TRAPPC3L: variants seen among roughly 807,000 people sequenced by gnomAD.
The protein encoded by TRAPPC3L is trafficking protein particle complex subunit 3-like protein.
TRAPPC3L carries 23 observed loss-of-function variants against 23.7 expected under a neutral mutation model. The observed-to-expected ratio is 0.97, with a 90% CI of 0.70 to 1.37. The LOEUF is 1.37. TRAPPC3L is among the 40% of genes most tolerant of loss of function. The pLI is 0.00. For synonymous variants in TRAPPC3L, 81 were observed against 77.9 expected (o/e 1.04, Z -0.21); for missense variants, 212 against 216.8 (o/e 0.98, Z 0.14).
intron 3 of TRAPPC3L, 146 bp downstream of exon 3, chr6:116,540,217 T>C (rs1773352647): frequency 4.0e-6 from 3 of 752,434 alleles, no homozygotes; most frequent in Admixed American, 2.9e-5. Flanking sequence ...TGTGCTGAAA[T>C]AAAATGCTTT....
intron 3 of TRAPPC3L, chr6:116,511,660 A>G (rs915345232): frequency 6.3e-7 from 1 of 1,587,950 alleles, no homozygotes; most frequent in African/African-American, 1.4e-5. Flanking sequence ...TCTGCCAATA[A>G]CAAAGGCACA....
chr6:116,498,231 A>C (rs1771861777), intron 4 of TRAPPC3L, among the ~76,000 whole-genome samples: 1 of 152,210 alleles, frequency 6.6e-6, no homozygotes, highest in Non-Finnish European at 1.5e-5. Flanking sequence ...TGAGAGTGGA[A>C]GACATTCTTA....
intron 3 of TRAPPC3L, among the ~76,000 whole-genome samples, chr6:116,506,342 A>T (rs983739247): frequency 6.6e-6 from 1 of 152,256 alleles, no homozygotes; most frequent in Admixed American, 6.5e-5. Flanking sequence ...TAGAATGGCG[A>T]TCATCAAAAA....
In TRAPPC3L at chr6:116,507,460, G is replaced by A. The variant is rs920296630; in HGVS notation, c.241-6794C>T. Among the ~76,000 whole-genome samples, 228 of 152,290 alleles carry A rather than the reference G, an allele frequency of 1.5e-3. 1 individual carries two copies. The highest frequency in any genetic ancestry group is 4.3e-4 in the Non-Finnish European group (29 of 68,034). ...GTATATAATTCATAAGTTTAAAATT[G>A]TGCTTCTGAGCAGTGTGATGAAACC... On this transcript the variant is annotated intron_variant, in intron 3 of 4. Coordinates refer to ENST00000368602, the MANE Select transcript of TRAPPC3L (RefSeq NM_001139444.3).
At chr6:116,539,025 G>C (rs1773271674) in intron 3 of TRAPPC3L, among the ~76,000 whole-genome samples, 1 of 152,128 alleles carries the variant, frequency 6.6e-6, no homozygotes, top group Non-Finnish European at 1.5e-5. Flanking sequence ...AAGATCAAGA[G>C]GGAGTCATTC....
chr6:116,530,517 T>C (rs1050782529), intron 3 of TRAPPC3L, among the ~76,000 whole-genome samples: 5 of 152,188 alleles, frequency 3.3e-5, no homozygotes, highest in African/African-American at 1.2e-4. Flanking sequence ...ATACTACCTA[T>C]TGTAGCACAA....
At chr6:116,511,661 CAA>C in intron 3 of TRAPPC3L, 1 of 1,589,940 alleles carries the variant, frequency 6.3e-7, no homozygotes, top group East Asian at 2.2e-5. Context: ...CTGCCAATAA[CAA>C]AGGCACAGCA....
chr6:116,515,456 G>A (rs1772203433), intron 3 of TRAPPC3L: 2 of 926,128 alleles, frequency 2.2e-6, no homozygotes, highest in Non-Finnish European at 3.2e-6. Context: ...TGAGTTTAAA[G>A]TGTTTAAAAA....
chr6:116,515,734 G>T, intron 3 of TRAPPC3L: 1 of 1,614,048 alleles, frequency 6.2e-7, no homozygotes, highest in Non-Finnish European at 8.5e-7. Context: ...AGAAGGAGCA[G>T]TTGGAAAATA....
At chr6:116,506,259 A>G (rs1201252113) in intron 3 of TRAPPC3L, among the ~76,000 whole-genome samples, 1 of 152,222 alleles carries the variant, frequency 6.6e-6, no homozygotes, top group East Asian at 1.9e-4. Flanking sequence ...ACAGACATGA[A>G]AAAATGCCCA....
chr6:116,500,414 G>T (rs1385488779), intron 4 of TRAPPC3L, 67 bp downstream of exon 4: 4 of 1,365,632 alleles, frequency 2.9e-6, no homozygotes, highest in Admixed American at 2.5e-5. Context: ...ATGTATATTG[G>T]TTATCTTATT....
chr6:116,503,666 C>T (rs1167794203), intron 3 of TRAPPC3L, among the ~76,000 whole-genome samples: 1 of 152,150 alleles, frequency 6.6e-6, no homozygotes, highest in Admixed American at 6.6e-5. Context: ...GAAATTATAA[C>T]AAACTGTCTC....
chr6:116,543,506 G>A (rs1380199800), intron 1 of TRAPPC3L, 106 bp from the exon 2 acceptor site: 3 of 944,742 alleles, frequency 3.2e-6, no homozygotes, highest in East Asian at 2.7e-5. Context: ...GAAGTCACCT[G>A]TACATTTTTT....
rs186135475 is a variant in TRAPPC3L, at chr6:116,497,609, T to G, written c.427-536A>C. Among the ~76,000 whole-genome samples, 228 of 152,302 alleles carry G rather than the reference T, an allele frequency of 1.5e-3. 1 individual carries two copies. Among genetic ancestry groups the G allele is most frequent in the Admixed American group, 0.011 (169 of 15,296 alleles). ...TATAGATATAAAATTAAAGATTGAA[T>G]TTACAGACATGAATATTTGATACTC... On this transcript the variant is annotated intron_variant, in intron 4 of 4. Coordinates refer to ENST00000368602, the MANE Select transcript of TRAPPC3L (RefSeq NM_001139444.3).
chr6:116,512,296 C>T (rs775048386), intron 3 of TRAPPC3L: 87 of 1,505,772 alleles, frequency 5.8e-5, no homozygotes, highest in Admixed American at 7.9e-5. Context: ...TCTCTCTGTG[C>T]TCCTTTCAGC....
chr6:116,505,309 A>C (rs540471898), intron 3 of TRAPPC3L, among the ~76,000 whole-genome samples: 90 of 152,314 alleles, frequency 5.9e-4, no homozygotes, highest in African/African-American at 2.1e-3. Flanking sequence ...TCCATCTTAC[A>C]AGGGATGTGA....
intron 3 of TRAPPC3L, among the ~76,000 whole-genome samples, chr6:116,533,768 C>A (rs577094817): frequency 6.6e-6 from 1 of 151,808 alleles, no homozygotes; most frequent in African/African-American, 2.4e-5. Context: ...CTGTCTCTAG[C>A]GTGCCTTTTG....
chr6:116,516,788 A>G (rs1368241311), intron 3 of TRAPPC3L: 1 of 150,264 alleles, frequency 6.7e-6, no homozygotes, highest in Non-Finnish European at 1.5e-5. Context: ...CTAAAAGTTT[A>G]TGTATTTTCT....
At chr6:116,537,542 A>G (rs1773175767) in intron 3 of TRAPPC3L, among the ~76,000 whole-genome samples, 1 of 152,304 alleles carries the variant, frequency 6.6e-6, no homozygotes, top group East Asian at 1.9e-4. Flanking sequence ...TCTCCATAGA[A>G]CATTTCTTAC....
Sources: gnomAD v4.1 joint callset for allele counts (sites outside exome capture counted in the v4.1 genomes callset) on GRCh38, gnomAD v4.1.1 for gene constraint, MANE v1.5 for transcripts, NCBI Gene and HGNC (gene_info 2026-07-23, HGNC 2026-07-21) for gene names.